ZNF256: variants seen among roughly 807,000 people sequenced by gnomAD.
ZNF256 encodes the protein zinc finger protein 256, also known as bone marrow zinc finger 3.
Under a neutral mutation model 7.9 loss-of-function variants are expected in ZNF256, and 4 were observed. That is an observed-to-expected ratio of 0.50 (90% CI 0.25 to 1.15). The LOEUF (loss-of-function observed/expected upper bound fraction) is 1.15, where lower values mean the gene tolerates loss of function less well. Ranked by LOEUF, ZNF256 falls within the 50% of genes most tolerant of loss-of-function variation. The probability of loss-of-function intolerance (pLI) is 0.15; values close to 1 mark genes in which losing one functional copy is unlikely to be tolerated. For missense variants in ZNF256, 666 were observed against 755.9 expected (o/e 0.88, Z 1.39); for synonymous variants, 260 against 260.4 (o/e 1.00, Z 0.02).
rs1279769426 is a variant in ZNF256 at position 57,940,901 on chromosome 19, G to A, written c.*23C>T. On this transcript the variant is annotated 3_prime_UTR_variant, in exon 3 of 3. Transcript: ENST00000282308. ...CAGGGACACTTCTCAGTCCGTAACA[G>A]CCCTATGTGTGTTACCTAACCTTTA... 1 of 1,597,344 alleles carries A rather than the reference G, an allele frequency of 6.3e-7. No homozygotes were observed.
intron 2 of ZNF256, 26 bp from the exon 3 acceptor site, chr19:57,942,673 G>A: frequency 1.2e-6 from 2 of 1,602,712 alleles, no homozygotes; most frequent in South Asian, 1.1e-5. Context: ...TGCTGGTGAA[G>A]AGCATGCTGA....
chr19:57,947,639 C>A lies in ZNF256; in HGVS notation c.-165G>T. On this transcript the variant is annotated 5_prime_UTR_variant, in exon 1 of 3. Coordinates refer to ENST00000282308, the MANE Select transcript of ZNF256 (RefSeq NM_005773.3). ...ATGATGCTGACCCAGCGCTCCGGGGCTTTCTACCAAGTAATCAGTCCAGAC... is the reference window on the plus strand; with the variant it reads ...ATGATGCTGACCCAGCGCTCCGGGGATTTCTACCAAGTAATCAGTCCAGAC... 1.6e-6 allele frequency: 1 copy of A among 609,372 alleles called. No homozygotes were observed. The highest frequency in any genetic ancestry group is 2.4e-6 in the Non-Finnish European group (1 of 409,964). 37.7% of individuals were successfully genotyped at this position (609,372 alleles called of 1,614,324 possible).
Position 57,942,342 on chromosome 19 carries a change from A to G in ZNF256, c.466T>C (p.Leu156=). 1 of 1,614,254 alleles carries G rather than the reference A, an allele frequency of 6.2e-7. No homozygotes were observed. The highest frequency in any genetic ancestry group is 8.5e-7 in the Non-Finnish European group (1 of 1,180,044). The change falls in exon 3 of 3, where the codon TTG becomes CTG. Residue 156 remains leucine, a synonymous_variant. Transcript: ENST00000282308. ...FRSNGGRDMF[L]SSCTFEVSGK... ...GATACTTCAAATGTGCAGCTGCTCA[A>G]AAACATGTCTCTGCCCCCATTGCTT...
chr19:57,941,969 G>A lies in ZNF256; in HGVS notation c.839C>T (p.Ser280Phe), dbSNP rs774021457. ...AATTCTTCGGTGCGTAATAAGGCTA[G>A]AGCTTTGCCTATAGGATTTCCCACA... ...GECGKSYRQS[S>F]SLITHRRIHT... The change falls in exon 3 of 3, where the codon TCT (serine) becomes TTT (phenylalanine). Residue 280 changes from serine (S) to phenylalanine (F), a missense_variant. Transcript: ENST00000282308. The A allele has an allele frequency of 6.2e-7, 1 of 1,614,126 alleles. No homozygotes were observed. The highest frequency in any genetic ancestry group is 2.2e-5 in the East Asian group (1 of 44,882).
In ZNF256 at chr19:57,941,349, C is replaced by A; in HGVS notation, c.1459G>T (p.Gly487Ter). Residue 487 changes from glycine (G) to a stop codon, truncating the protein, a stop_gained, in exon 3 of 3, where the codon GGA (glycine) becomes TGA (stop). Coordinates refer to ENST00000282308, the MANE Select transcript of ZNF256 (RefSeq NM_005773.3). LOFTEE classifies it low-confidence loss of function (END_TRUNC). ...TCCCCACATTCATAAGGCCTTGCTC[C>A]AGTATGAACTTTCCAGTGTGAGATG... Reference protein sequence around the residue: ...YLISHWKVHTGARPYECGECG... With the variant: ...YLISHWKVHT 1 of 1,614,054 alleles carries A rather than the reference C, an allele frequency of 6.2e-7. No individual in the cohort carries two copies. Among genetic ancestry groups the A allele is most frequent in the Non-Finnish European group, 8.5e-7 (1 of 1,180,012 alleles).
At position 57,941,898 on chromosome 19, in the gene ZNF256, A is replaced by T. The variant is rs953619; in HGVS notation, c.910T>A (p.Phe304Ile). The T allele has an allele frequency of 4.3e-6, 7 of 1,614,222 alleles. No individual in the cohort carries two copies. In the South Asian group the frequency reaches 7.7e-5, roughly 18 times the overall value. ...ATAAGAAGGTCATACTTCCTGTTAA[A>T]TAATTTTCCACATTCATCACATTGA... The part of the protein sequence containing the change: ...PHQCDECGKL[F>I]NRKYDLLIHQ... Residue 304 changes from phenylalanine to isoleucine, a missense_variant, in exon 3 of 3, where the codon TTT becomes ATT. Phe to Ile is a conservative substitution (Grantham distance 21, BLOSUM62 0). Transcript: ENST00000282308.
rs745484619 is a variant in ZNF256 at position 57,941,284 on chromosome 19, T to C, written c.1524A>G (p.Gln508=). The C allele has an allele frequency of 1.9e-6, 3 of 1,614,108 alleles. No individual in the cohort carries two copies. The highest frequency in any genetic ancestry group is 1.7e-6 in the Non-Finnish European group (2 of 1,180,024). The change falls in exon 3 of 3, where the codon CAA becomes CAG. Residue 508 remains glutamine, a synonymous_variant. Transcript: ENST00000282308. ...KSFTHSSTLL[Q]HQRVHTGERP... ...TTTCTCCAGTGTGAACTCTCTGGTG[T>C]TGAAGGAGCGTAGAGCTATGAGTAA...
intron 2 of ZNF256, among the ~76,000 whole-genome samples, chr19:57,943,384 C>T (rs779808264): frequency 7.2e-5 from 11 of 152,198 alleles, no homozygotes; most frequent in Non-Finnish European, 1.3e-4. Context: ...CTCAGAACCA[C>T]AGGGCCTGTC....
Position 57,947,538 on chromosome 19 carries a change from C to T in ZNF256, c.-64G>A. On this transcript the variant is annotated 5_prime_UTR_variant, in exon 1 of 3. Transcript: ENST00000282308. ...TTATTCCGGGCCGGGCCTGGGTACC[C>T]TGGGCGCCGCCGAGCCTCAGCCACG... 8.0e-7 allele frequency: 1 copy of T among 1,244,216 alleles called. No homozygotes were observed. The highest frequency in any genetic ancestry group is 1.0e-6 in the Non-Finnish European group (1 of 984,042). 77.1% of individuals were successfully genotyped at this position (1,244,216 alleles called of 1,614,324 possible).
At chr19:57,947,108 GGGAAA>G (rs1181174511) in intron 1 of ZNF256, among the ~76,000 whole-genome samples, 1 of 152,240 alleles carries the variant, frequency 6.6e-6, no homozygotes, top group African/African-American at 2.4e-5. Context: ...TTACAGCCAA[GGGAAA>G]CGTAGAAAGA....
chr19:57,944,175 C>T (rs2072750366), intron 1 of ZNF256, 115 bp from the exon 2 acceptor site: 13 of 1,491,552 alleles, frequency 8.7e-6, no homozygotes, highest in Non-Finnish European at 1.1e-5. Flanking sequence ...CCAAGCTCCC[C>T]AGCTCAGAGG....
At position 57,941,077 on chromosome 19, in the gene ZNF256, G is replaced by A. The variant is rs1285260560; in HGVS notation, c.1731C>T (p.Cys577=). The part of the protein sequence containing the change: ...RVHTGERPYE[C]SECGKSFSQS... ...GGCTAAAGGATTTTCCACATTCACT[G>A]CATTCATAAGGCCTTTCTCCGGTAT... is the stretch of plus-strand genomic sequence containing the variant. The change falls in exon 3 of 3, where the codon TGC becomes TGT. Residue 577 remains cysteine (C), a synonymous_variant. Transcript: ENST00000282308. 5 of 1,614,092 alleles carry A rather than the reference G, an allele frequency of 3.1e-6. No individual in the cohort carries two copies. The highest frequency in any genetic ancestry group is 4.2e-6 in the Non-Finnish European group (5 of 1,180,026).
rs566449103 is a variant in ZNF256, at chr19:57,941,162, C to G, written c.1646G>C (p.Cys549Ser). ...RSHTGERPYE[C>S]SECWKSFSNH... ...ACTAAAGGATTTCCAACACTCACTGCACTCATAAGGCCTTTCTCCGGTGTG... is the reference window on the plus strand; with the variant it reads ...ACTAAAGGATTTCCAACACTCACTGGACTCATAAGGCCTTTCTCCGGTGTG... Residue 549 changes from cysteine to serine, a missense_variant, in exon 3 of 3, where the codon TGC becomes TCC. Coordinates refer to ENST00000282308, the MANE Select transcript of ZNF256 (RefSeq NM_005773.3). 3.7e-6 allele frequency: 6 copies of G among 1,614,100 alleles called. No homozygotes were observed. In the South Asian group the frequency reaches 6.6e-5, roughly 18 times the overall value.
At chr19:57,944,789 G>A (rs1223117032) in intron 1 of ZNF256, among the ~76,000 whole-genome samples, 6 of 152,120 alleles carry the variant, frequency 3.9e-5, no homozygotes, top group South Asian at 2.1e-4. Context: ...CCGAGATCAC[G>A]CCACTGCACT....
Position 57,942,359 on chromosome 19 carries a change from C to G in ZNF256, c.449G>C (p.Gly150Ala), listed in dbSNP as rs750732447. ...GCTGCTCAAAAACATGTCTCTGCCC[C>G]CATTGCTTCTGAAGTGTTTCTGTCC... ...HVGQKHFRSN[G>A]GRDMFLSSCT... The change falls in exon 3 of 3, where the codon GGG (glycine) becomes GCG (alanine). Residue 150 changes from glycine (G) to alanine (A), a missense_variant. Coordinates refer to ENST00000282308, the MANE Select transcript of ZNF256 (RefSeq NM_005773.3). 2.5e-6 allele frequency: 4 copies of G among 1,614,180 alleles called. No individual in the cohort carries two copies. The South Asian group carries it at 4.4e-5, about 18-fold the overall frequency.
intron 1 of ZNF256, among the ~76,000 whole-genome samples, chr19:57,945,706 T>C (rs2123194450): frequency 6.6e-6 from 1 of 152,288 alleles, no homozygotes; most frequent in South Asian, 2.1e-4. Context: ...AAAAATTTCT[T>C]TGAAGGCCTC....
rs545667212 is a variant in ZNF256, at chr19:57,940,878, G to A, written c.*46C>T. 15 of 1,526,046 alleles carry A rather than the reference G, an allele frequency of 9.8e-6. No homozygotes were observed. Among genetic ancestry groups the A allele is most frequent in the South Asian group, 1.3e-5 (1 of 79,834 alleles). 94.5% of individuals were successfully genotyped at this position (1,526,046 alleles called of 1,614,324 possible). On this transcript the variant is annotated 3_prime_UTR_variant, in exon 3 of 3. Coordinates refer to ENST00000282308, the MANE Select transcript of ZNF256 (RefSeq NM_005773.3). The stretch of plus-strand genomic sequence containing the variant: ...TTTATTTATGTCTGTGAATTTTGCA[G>A]GGACACTTCTCAGTCCGTAACAGCC...
Position 57,941,912 on chromosome 19 carries a change from T to G in ZNF256, c.896A>C (p.Glu299Ala). 1 of 1,614,252 alleles carries G rather than the reference T, an allele frequency of 6.2e-7. No individual in the cohort carries two copies. The highest frequency in any genetic ancestry group is 8.5e-7 in the Non-Finnish European group (1 of 1,180,054). ...CTTCCTGTTAAATAATTTTCCACAT[T>G]CATCACATTGATGAGGTCTTACTCC... is the stretch of plus-strand genomic sequence containing the variant. ...HTGVRPHQCD[E>A]CGKLFNRKYD... is the part of the protein sequence containing the mutation. Residue 299 changes from glutamate to alanine, a missense_variant, in exon 3 of 3, where the codon GAA becomes GCA. Physicochemically the swap from Glu to Ala is moderately radical, Grantham distance 107. Transcript: ENST00000282308.
In ZNF256 at chr19:57,942,098, C is replaced by A. The variant is rs376236226; in HGVS notation, c.710G>T (p.Arg237Ile). 1.4e-4 allele frequency: 221 copies of A among 1,614,132 alleles called. No homozygotes were observed. Among genetic ancestry groups the A allele is most frequent in the Non-Finnish European group, 1.8e-4 (216 of 1,180,052 alleles). The stretch of plus-strand genomic sequence containing the variant: ...CCCACATTCACTGCACATGTAAGAT[C>A]TTTCCCTAATGAGGTCTCCCTGGTG... Reference protein sequence around the residue: ...VQHQGDLIRERSYMCSECGKS... With the variant: ...VQHQGDLIREISYMCSECGKS... Residue 237 changes from arginine (R) to isoleucine (I), a missense_variant, in exon 3 of 3, where the codon AGA becomes ATA. Coordinates refer to ENST00000282308, the MANE Select transcript of ZNF256 (RefSeq NM_005773.3).
Sources: gnomAD v4.1 joint callset for allele counts (sites outside exome capture counted in the v4.1 genomes callset) on GRCh38, gnomAD v4.1.1 for gene constraint, MANE v1.5 for transcripts, NCBI Gene and HGNC (gene_info 2026-07-23, HGNC 2026-07-21) for gene names.